ZNF385D: variants seen among roughly 807,000 people sequenced by gnomAD.
ZNF385D encodes zinc finger protein 659.
A neutral mutation model predicts 35.8 loss-of-function variants in ZNF385D; 15 were observed. The observed-to-expected ratio is 0.42, with a 90% CI of 0.28 to 0.64. The LOEUF (loss-of-function observed/expected upper bound fraction) is 0.64. Among genes scored for constraint, ZNF385D ranks in the 30% least tolerant of loss-of-function variants. The pLI is 0.23. For missense variants in ZNF385D, 474 were observed against 494.6 expected (o/e 0.96, Z 0.39); for synonymous variants, 212 against 186.8 (o/e 1.13, Z -1.10).
intron 3 of ZNF385D, among the ~76,000 whole-genome samples, chr3:21,765,607 T>A (rs2070792987): frequency 1.3e-5 from 2 of 151,206 alleles, no homozygotes; most frequent in Admixed American, 6.6e-5. Context: ...ACTCAGGTAA[T>A]ACAGATTCAT....
chr3:22,239,639 T>G (rs1243188390), intron 2 of ZNF385D, among the ~76,000 whole-genome samples: 1 of 151,118 alleles, frequency 6.6e-6, no homozygotes, highest in African/African-American at 2.4e-5. Flanking sequence ...ATATCTAATC[T>G]TATGTTATAT....
At chr3:21,557,732 A>C (rs1337273672) in intron 3 of ZNF385D, among the ~76,000 whole-genome samples, 2 of 152,180 alleles carry the variant, frequency 1.3e-5, no homozygotes, top group Non-Finnish European at 2.9e-5. Flanking sequence ...TTTCAGAAGG[A>C]ATGGTACCAC....
chr3:21,515,358 C>T (rs1200759622), intron 3 of ZNF385D, among the ~76,000 whole-genome samples: 1 of 152,142 alleles, frequency 6.6e-6, no homozygotes, highest in African/African-American at 2.4e-5. Context: ...TTTTTAAAAA[C>T]TCAGACATTT....
intron 2 of ZNF385D, among the ~76,000 whole-genome samples, chr3:22,269,860 T>C (rs1314609264): frequency 1.3e-5 from 2 of 151,870 alleles, no homozygotes; most frequent in Non-Finnish European, 2.9e-5. Flanking sequence ...ATGGCAAATA[T>C]TGGCTTGCTT....
chr3:21,933,302 TTC>T (rs1701104453), intron 3 of ZNF385D, among the ~76,000 whole-genome samples: 1 of 152,240 alleles, frequency 6.6e-6, no homozygotes, highest in African/African-American at 2.4e-5. Context: ...CTTCTTTTGT[TTC>T]TCTGTCCCCA....
At chr3:21,744,348 T>C (rs957178408) in intron 1 of ZNF385D, among the ~76,000 whole-genome samples, 1 of 152,236 alleles carries the variant, frequency 6.6e-6, no homozygotes, top group Non-Finnish European at 1.5e-5. Flanking sequence ...AGCAATCTGC[T>C]ACAACCACTT....
intron 3 of ZNF385D, among the ~76,000 whole-genome samples, chr3:21,991,546 A>C (rs1695148150): frequency 6.6e-6 from 1 of 152,228 alleles, no homozygotes; most frequent in Non-Finnish European, 1.5e-5. Context: ...TATTCCCATC[A>C]TTTAGAAATC....
chr3:22,007,826 A>G (rs572086302), intron 3 of ZNF385D, among the ~76,000 whole-genome samples: 1 of 150,988 alleles, frequency 6.6e-6, no homozygotes, highest in East Asian at 1.9e-4. Context: ...CTAGTTTTTA[A>G]TTTTTATATA....
At chr3:21,776,905 G>C (rs2071311328) in intron 3 of ZNF385D, among the ~76,000 whole-genome samples, 1 of 151,916 alleles carries the variant, frequency 6.6e-6, no homozygotes, top group Non-Finnish European at 1.5e-5. Flanking sequence ...GTGAATACTA[G>C]TTCCAGAAAA....
At chr3:21,447,614 T>C (rs1009451303) in intron 4 of ZNF385D, among the ~76,000 whole-genome samples, 1 of 152,168 alleles carries the variant, frequency 6.6e-6, no homozygotes, top group Non-Finnish European at 1.5e-5. Flanking sequence ...AAAGTAAGGG[T>C]TTGTCATGTG....
At chr3:21,802,722 CAGTT>C (rs1433486181) in intron 3 of ZNF385D, among the ~76,000 whole-genome samples, 1 of 152,124 alleles carries the variant, frequency 6.6e-6, no homozygotes, top group Non-Finnish European at 1.5e-5. Flanking sequence ...GTGAACTTGG[CAGTT>C]AGTCTCTGAG....
Position 21,756,233 on chromosome 3 carries a change from C to G in ZNF385D, c.326-91205G>C, listed in dbSNP as rs147475854. ...AAACAGTGGCGGTAGAAAAAGTGGT[C>G]AGATTCTCTACATGTACCAAAATGG... On this transcript the variant is annotated intron_variant, in intron 3 of 5. Transcript: ENST00000494108. Among the ~76,000 whole-genome samples, 384 of 152,188 alleles carry G rather than the reference C, an allele frequency of 2.5e-3. 5 individuals carry two copies. Among genetic ancestry groups the G allele is most frequent in the Middle Eastern group, 0.014 (4 of 294 alleles).
At chr3:21,667,362 A>G (rs1463284939) in intron 1 of ZNF385D, among the ~76,000 whole-genome samples, 3 of 151,900 alleles carry the variant, frequency 2.0e-5, no homozygotes, top group African/African-American at 7.3e-5. Context: ...GGTTTTTGCT[A>G]TGTTGCCTAG....
chr3:22,034,238 G>A (rs1698183060), intron 3 of ZNF385D, among the ~76,000 whole-genome samples: 2 of 152,240 alleles, frequency 1.3e-5, no homozygotes, highest in South Asian at 2.1e-4. Flanking sequence ...AATGAAATTA[G>A]TGATCTTACA....
intron 3 of ZNF385D, among the ~76,000 whole-genome samples, chr3:22,099,957 A>C (rs1344758593): frequency 6.6e-6 from 1 of 152,176 alleles, no homozygotes; most frequent in Non-Finnish European, 1.5e-5. Context: ...ATATTTTAAA[A>C]AATAAAATGA....
intron 2 of ZNF385D, among the ~76,000 whole-genome samples, chr3:21,647,392 T>G: frequency 6.7e-6 from 1 of 150,178 alleles, no homozygotes; most frequent in Non-Finnish European, 1.5e-5. Flanking sequence ...CTACCGTTCT[T>G]CCTTCTTCTC....
chr3:21,463,388 T>C (rs1279027124), intron 4 of ZNF385D, among the ~76,000 whole-genome samples: 1 of 152,190 alleles, frequency 6.6e-6, no homozygotes, highest in East Asian at 1.9e-4. Context: ...CTTTCACAAT[T>C]AGAAAAACTA....
intron 1 of ZNF385D, among the ~76,000 whole-genome samples, chr3:21,681,740 C>CA (rs1229973523): frequency 6.8e-6 from 1 of 146,264 alleles, no homozygotes. Context: ...AACAATCAAC[C>CA]AAAAAAATCA....
chr3:21,515,753 C>G (rs914740301), intron 3 of ZNF385D, among the ~76,000 whole-genome samples: 2 of 152,166 alleles, frequency 1.3e-5, no homozygotes, highest in Non-Finnish European at 1.5e-5. Flanking sequence ...TGATCCCCAC[C>G]TTGTTCAGGG....
Sources: gnomAD v4.1 joint callset for allele counts (sites outside exome capture counted in the v4.1 genomes callset) on GRCh38, gnomAD v4.1.1 for gene constraint, MANE v1.5 for transcripts, NCBI Gene and HGNC (gene_info 2026-07-23, HGNC 2026-07-21) for gene names.